The following CSMD3 variants were observed in gnomAD, a reference collection of about 807,000 sequenced individuals.
The protein encoded by CSMD3 is CUB and Sushi multiple domains 3.
CSMD3 carries 177 observed loss-of-function variants against 435.2 expected under a neutral mutation model. The observed-to-expected ratio is 0.41, with a 90% CI of 0.36 to 0.46. The LOEUF (loss-of-function observed/expected upper bound fraction) is 0.46. Ranked by LOEUF, CSMD3 falls within the 20% of genes least tolerant of loss-of-function variation. CSMD3 has a pLI of 0.34. For missense variants in CSMD3, 4,265 were observed against 4,504.6 expected (o/e 0.95, Z 1.52); for synonymous variants, 1,656 against 1,520.5 (o/e 1.09, Z -2.07).
chr8:112,493,223 A>T lies in CSMD3; in HGVS notation c.5084-540T>A, dbSNP rs569024247. 8.5e-5 allele frequency among the ~76,000 whole-genome samples: 13 copies of T among 152,306 alleles called. No homozygotes were observed. In the East Asian group the frequency reaches 2.5e-3, roughly 29 times the overall value. On this transcript the variant is annotated intron_variant, in intron 30 of 70. Coordinates refer to ENST00000297405, the MANE Select transcript of CSMD3 (RefSeq NM_198123.2). The stretch of plus-strand genomic sequence containing the variant: ...CTTCATAGATCTTCTCATTAAATTT[A>T]GTATCCAATGCATATAGTCAAACAT...
chr8:112,781,074 A>G (rs1455729168), intron 13 of CSMD3, among the ~76,000 whole-genome samples: 1 of 42,038 alleles, frequency 2.4e-5, no homozygotes, highest in East Asian at 1.4e-3. Context: ...AAAGGAGAGG[A>G]TAGAGTAGAG....
At chr8:112,893,124 A>G (rs1012537502) in intron 10 of CSMD3, among the ~76,000 whole-genome samples, 7 of 151,250 alleles carry the variant, frequency 4.6e-5, no homozygotes, top group African/African-American at 1.5e-4. Flanking sequence ...TACAACTACT[A>G]CTACTACTAC....
At chr8:112,889,377 T>C (rs1490725118) in intron 10 of CSMD3, among the ~76,000 whole-genome samples, 1 of 151,612 alleles carries the variant, frequency 6.6e-6, no homozygotes, top group Non-Finnish European at 1.5e-5. Context: ...CATTCTTCCA[T>C]ATCATTAAAG....
At chr8:113,251,410 A>G (rs1412190084) in intron 3 of CSMD3, among the ~76,000 whole-genome samples, 1 of 152,084 alleles carries the variant, frequency 6.6e-6, no homozygotes, top group African/African-American at 2.4e-5. Flanking sequence ...AAGGAAAATG[A>G]TGAGACACAG....
chr8:112,398,832 C>A (rs557306491), intron 35 of CSMD3, among the ~76,000 whole-genome samples: 1 of 152,090 alleles, frequency 6.6e-6, no homozygotes, highest in Non-Finnish European at 1.5e-5. Context: ...CTAACTAATG[C>A]TCTCATTGTA....
chr8:112,889,003 C>T (rs1233647063), intron 10 of CSMD3, among the ~76,000 whole-genome samples: 1 of 151,654 alleles, frequency 6.6e-6, no homozygotes, highest in African/African-American at 2.4e-5. Flanking sequence ...ATTGATTCCA[C>T]TGGATATTTT....
At chr8:112,587,301 A>C in intron 22 of CSMD3, 66 bp from the exon 23 acceptor site, 15 of 1,166,234 alleles carry the variant, frequency 1.3e-5, no homozygotes, top group Non-Finnish European at 1.8e-5. Context: ...AAGCAATATC[A>C]TGTATGGAAG....
chr8:113,302,021 T>G (rs1196182113), intron 2 of CSMD3, among the ~76,000 whole-genome samples: 1 of 151,286 alleles, frequency 6.6e-6, no homozygotes, highest in Non-Finnish European at 1.5e-5. Flanking sequence ...TTCAATAAAT[T>G]TATCTGATTT....
chr8:112,599,499 C>G (rs1343839800), intron 22 of CSMD3, among the ~76,000 whole-genome samples: 2 of 151,666 alleles, frequency 1.3e-5, no homozygotes, highest in Admixed American at 6.6e-5. Flanking sequence ...TACCATTTGA[C>G]CCAGCCATCC....
At chr8:112,577,709 T>A (rs1324371692) in intron 23 of CSMD3, among the ~76,000 whole-genome samples, 1 of 152,066 alleles carries the variant, frequency 6.6e-6, no homozygotes, top group Non-Finnish European at 1.5e-5. Context: ...TTGCCAAAAC[T>A]TTTTGTAATA....
intron 8 of CSMD3, 87 bp downstream of exon 8, chr8:112,954,597 T>A: frequency 1.3e-6 from 1 of 780,106 alleles, no homozygotes. Flanking sequence ...AATACACAAA[T>A]ATTTTGGTAA....
intron 24 of CSMD3, among the ~76,000 whole-genome samples, chr8:112,570,935 C>T (rs150550094): frequency 6.6e-6 from 1 of 152,268 alleles, no homozygotes; most frequent in East Asian, 1.9e-4. Context: ...TTTATACTCT[C>T]TTCCCACTTC....
chr8:112,829,780 T>C lies in CSMD3; in HGVS notation c.1765A>G (p.Ile589Val). Residue 589 changes from isoleucine (I) to valine (V), a missense_variant, in exon 12 of 71, where the codon ATA (isoleucine) becomes GTA (valine). Transcript: ENST00000297405. ...TCCAGATCAAATTCTTCAAAATTTA[T>C]CTGGATAACCTAGCAGTAAACAGAA... ...TAVNTNKVIQ[I>V]NFEEFDLEIG... 4 of 1,600,160 alleles carry C rather than the reference T, an allele frequency of 2.5e-6. No homozygotes were observed. The highest frequency in any genetic ancestry group is 3.4e-6 in the Non-Finnish European group (4 of 1,167,582).
At chr8:112,270,620 A>G (rs1817441079) in intron 59 of CSMD3, among the ~76,000 whole-genome samples, 1 of 152,124 alleles carries the variant, frequency 6.6e-6, no homozygotes, top group Non-Finnish European at 1.5e-5. Flanking sequence ...GGTTTTGTTT[A>G]AATGATTTTT....
intron 35 of CSMD3, among the ~76,000 whole-genome samples, chr8:112,400,554 G>A (rs1411149247): frequency 2.6e-5 from 4 of 152,116 alleles, no homozygotes; most frequent in African/African-American, 9.7e-5. Context: ...ACAGAGAGAT[G>A]GTGTGGGTTC....
intron 2 of CSMD3, among the ~76,000 whole-genome samples, chr8:113,300,920 C>G (rs1182744505): frequency 1.3e-5 from 2 of 151,964 alleles, no homozygotes; most frequent in Admixed American, 6.6e-5. Context: ...TGAACTACAG[C>G]AATATGCCAC....
intron 7 of CSMD3, among the ~76,000 whole-genome samples, chr8:112,970,867 G>A (rs371006844): frequency 1.3e-4 from 19 of 151,840 alleles, no homozygotes; most frequent in East Asian, 9.8e-4. Context: ...GACTACAGGC[G>A]CCCGCCACCA....
At position 113,373,148 on chromosome 8, in the gene CSMD3, C is replaced by CTCT. The variant is rs1588620407; in HGVS notation, c.179-58356_179-58355insAGA. Among the ~76,000 whole-genome samples, 4 of 152,140 alleles carry CTCT rather than the reference C, an allele frequency of 2.6e-5. No individual in the cohort carries two copies. The East Asian group carries it at 7.7e-4, about 29-fold the overall frequency. On this transcript the variant is annotated intron_variant, in intron 1 of 70. Coordinates refer to ENST00000297405, the MANE Select transcript of CSMD3 (RefSeq NM_198123.2). ...AGAATCCAATTCTCTAATCTGTAAA[C>CTCT]AACAGTAAAGGAAAAAATTTTGGCT...
intron 3 of CSMD3, among the ~76,000 whole-genome samples, chr8:113,271,457 GGGGCCAAGGTACAGCTC>G (rs1200688526): frequency 7.2e-5 from 11 of 152,154 alleles, no homozygotes; most frequent in Non-Finnish European, 1.6e-4. Context: ...GTTGCTAAAA[GGGGCCAAGGTACAGCTC>G]GGGCCATGGT....
Sources: gnomAD v4.1 joint callset for allele counts (sites outside exome capture counted in the v4.1 genomes callset) on GRCh38, gnomAD v4.1.1 for gene constraint, MANE v1.5 for transcripts, NCBI Gene and HGNC (gene_info 2026-07-23, HGNC 2026-07-21) for gene names.